Variants in ADAMTS12 observed in about 807,000 individuals in gnomAD.
ADAMTS12 encodes the protein ADAM metallopeptidase with thrombospondin type 1 motif 12, also known as A disintegrin and metalloproteinase with thrombospondin motifs 12.
ADAMTS12 carries 118 observed loss-of-function variants against 167.8 expected under a neutral mutation model. That is an observed-to-expected ratio of 0.70 (90% CI 0.61 to 0.82). The LOEUF is 0.82. ADAMTS12 is among the 40% of genes least tolerant of loss of function. ADAMTS12 has a pLI of 0.00. For missense variants in ADAMTS12, 1,916 were observed against 1,998.8 expected (o/e 0.96, Z 0.79); for synonymous variants, 704 against 716.9 (o/e 0.98, Z 0.29).
At chr5:33,678,751 G>A (rs1742008059) in intron 5 of ADAMTS12, among the ~76,000 whole-genome samples, 1 of 152,194 alleles carries the variant, frequency 6.6e-6, no homozygotes, top group South Asian at 2.1e-4. Context: ...GTTGGAGAAA[G>A]GGTGGCAGGA....
At chr5:33,583,917 T>C (rs943150897) in intron 18 of ADAMTS12, among the ~76,000 whole-genome samples, 3 of 152,218 alleles carry the variant, frequency 2.0e-5, no homozygotes, top group African/African-American at 7.2e-5. Flanking sequence ...TTGTCATGCA[T>C]AGTCTGAAAT....
chr5:33,860,625 C>A lies in ADAMTS12; in HGVS notation c.489+20494G>T, dbSNP rs547954529. ...ATCCAGGAGAATATCCCCAGCCTAG[C>A]AACACAGGCCAACATTCAAATTCAG... On this transcript the variant is annotated intron_variant, in intron 2 of 23. Transcript: ENST00000504830. Among the ~76,000 whole-genome samples, 5 of 152,308 alleles carry A rather than the reference C, an allele frequency of 3.3e-5. No individual in the cohort carries two copies. The South Asian group carries it at 1.0e-3, about 32-fold the overall frequency.
In ADAMTS12 at chr5:33,847,663, G is replaced by T. The variant is rs995661022; in HGVS notation, c.489+33456C>A. On this transcript the variant is annotated intron_variant, in intron 2 of 23. Coordinates refer to ENST00000504830, the MANE Select transcript of ADAMTS12 (RefSeq NM_030955.4). ...AGAAAGAAAGAAAAGGAAGTTTCAA[G>T]GACTGGATCAAACCCAGAATGATTA... Among the ~76,000 whole-genome samples the T allele has an allele frequency of 2.0e-5, 3 of 152,056 alleles. No homozygotes were observed. The East Asian group carries it at 5.8e-4, about 29-fold the overall frequency.
intron 23 of ADAMTS12, among the ~76,000 whole-genome samples, chr5:33,532,200 A>AT (rs1744137778): frequency 6.6e-6 from 1 of 152,114 alleles, no homozygotes; most frequent in Non-Finnish European, 1.5e-5. Flanking sequence ...AGGCGATAAT[A>AT]TTTTTTTCAC....
chr5:33,672,068 C>T (rs1401756126), intron 5 of ADAMTS12, among the ~76,000 whole-genome samples: 1 of 131,516 alleles, frequency 7.6e-6, no homozygotes, highest in Non-Finnish European at 1.6e-5. Context: ...CACATACATA[C>T]AAACCCACAT....
chr5:33,713,073 T>G, intron 3 of ADAMTS12, among the ~76,000 whole-genome samples: 1 of 152,252 alleles, frequency 6.6e-6, no homozygotes, highest in East Asian at 1.9e-4. Flanking sequence ...GCCAGGAATC[T>G]GAGGCCTTAA....
chr5:33,575,219 T>G (rs1431217260), intron 19 of ADAMTS12, among the ~76,000 whole-genome samples: 1 of 152,242 alleles, frequency 6.6e-6, no homozygotes, highest in Non-Finnish European at 1.5e-5. Context: ...ATCACTGATA[T>G]GGCGAGCTAT....
In ADAMTS12 at chr5:33,546,281, C is replaced by G. The variant is rs3813472; in HGVS notation, c.4303-79G>C. On this transcript the variant is annotated intron_variant, in intron 21 of 23. Coordinates refer to ENST00000504830, the MANE Select transcript of ADAMTS12 (RefSeq NM_030955.4). ...TGATAAGTGAAGAACTTCGTACTGT[C>G]ATTTTTGTTATGTACAGTGTTACTA... is the stretch of plus-strand genomic sequence containing the variant. The G allele has an allele frequency of 3.6e-6, 5 of 1,373,784 alleles. No homozygotes were observed. In the East Asian group the frequency reaches 1.2e-4, roughly 34 times the overall value. 85.1% of individuals were successfully genotyped at this position (1,373,784 alleles called of 1,614,324 possible). A position where few individuals can be genotyped will look rare whatever the true frequency, so the allele number is the denominator to read the frequency against.
intron 5 of ADAMTS12, among the ~76,000 whole-genome samples, chr5:33,679,906 T>A (rs988479250): frequency 1.3e-5 from 2 of 152,026 alleles, no homozygotes; most frequent in African/African-American, 4.8e-5. Context: ...CTCAAAGGAG[T>A]CACAGCACTG....
intron 2 of ADAMTS12, among the ~76,000 whole-genome samples, chr5:33,829,782 A>C (rs200054761): frequency 6.6e-6 from 1 of 152,180 alleles, no homozygotes; most frequent in Non-Finnish European, 1.5e-5. Flanking sequence ...ATTCTCCTTT[A>C]AAAATGGCCC....
At chr5:33,565,293 C>T (rs1216806586) in intron 19 of ADAMTS12, among the ~76,000 whole-genome samples, 8 of 152,272 alleles carry the variant, frequency 5.3e-5, no homozygotes, top group East Asian at 3.9e-4. Flanking sequence ...GTAGCTGGAA[C>T]TACAGGCATG....
chr5:33,596,962 T>C (rs1737918031), intron 16 of ADAMTS12, among the ~76,000 whole-genome samples: 1 of 152,232 alleles, frequency 6.6e-6, no homozygotes, highest in Non-Finnish European at 1.5e-5. Context: ...ACAGGGTCTA[T>C]AGGCAAATGA....
rs866850332 is a variant in ADAMTS12, at chr5:33,577,060, G to A, written c.2966C>T (p.Ala989Val). Residue 989 changes from alanine to valine, a missense_variant, in exon 19 of 24, where the codon GCT becomes GTT. Ala to Val is a moderately conservative substitution (Grantham distance 64, BLOSUM62 0). Coordinates refer to ENST00000504830, the MANE Select transcript of ADAMTS12 (RefSeq NM_030955.4). Reference sequence around the variant, plus strand: ...AGGGCATTGCTGGAGGCCACACAGAGCTCGGCTGTTGGGTTTCCTTGTCAC... The same window carrying A: ...AGGGCATTGCTGGAGGCCACACAGAACTCGGCTGTTGGGTTTCCTTGTCAC... ...CDVTRKPNSR[A>V]LCGLQQCPSS... is the part of the protein sequence containing the mutation. 1 of 1,614,192 alleles carries A rather than the reference G, an allele frequency of 6.2e-7. No homozygotes were observed.
chr5:33,638,906 G>A lies in ADAMTS12; in HGVS notation c.1719-1160C>T, dbSNP rs1183783420. 1.7e-4 allele frequency among the ~76,000 whole-genome samples: 26 copies of A among 152,292 alleles called. No individual in the cohort carries two copies. The East Asian group carries it at 2.1e-3, about 12-fold the overall frequency. On this transcript the variant is annotated intron_variant, in intron 11 of 23. Transcript: ENST00000504830. ...TCTCTCAAAATGGGAGAGGGGAGACGTGAAGAAACTATCCTTTGAGAAGGT... is the reference window on the plus strand; with the variant it reads ...TCTCTCAAAATGGGAGAGGGGAGACATGAAGAAACTATCCTTTGAGAAGGT...
At chr5:33,571,968 A>T (rs1746375599) in intron 19 of ADAMTS12, among the ~76,000 whole-genome samples, 1 of 152,208 alleles carries the variant, frequency 6.6e-6, no homozygotes, top group African/African-American at 2.4e-5. Flanking sequence ...TACTACAAAC[A>T]CCTCTACACA....
At chr5:33,546,327 A>G (rs29967) in intron 21 of ADAMTS12, 125 bp from the exon 22 acceptor site, 327,505 of 842,802 alleles carry the variant, frequency 0.39, 70,785 homozygotes, top group East Asian at 0.74. Context: ...TATCTGTATT[A>G]GAATTTATAG....
chr5:33,865,850 A>T (rs1749799229), intron 2 of ADAMTS12, among the ~76,000 whole-genome samples: 1 of 152,160 alleles, frequency 6.6e-6, no homozygotes, highest in Non-Finnish European at 1.5e-5. Context: ...CAAGAACTCA[A>T]TCCCTTTAAC....
intron 10 of ADAMTS12, among the ~76,000 whole-genome samples, chr5:33,642,210 A>C (rs141497955): frequency 6.6e-6 from 1 of 152,370 alleles, no homozygotes; most frequent in African/African-American, 2.4e-5. Flanking sequence ...TGGTTGGCAG[A>C]TCGAGCACGA....
At chr5:33,789,765 A>C (rs1746456806) in intron 2 of ADAMTS12, among the ~76,000 whole-genome samples, 3 of 152,178 alleles carry the variant, frequency 2.0e-5, no homozygotes, top group African/African-American at 7.2e-5. Flanking sequence ...ATGAACAAAC[A>C]CAGGGGAAAG....
Sources: allele counts gnomAD v4.1 joint callset (sites outside exome capture counted in the v4.1 genomes callset), GRCh38; gene constraint gnomAD v4.1.1; transcripts MANE v1.5; gene names NCBI Gene and HGNC (gene_info 2026-07-23, HGNC 2026-07-21).